The following PANX1 variants were observed in gnomAD, a reference collection of about 807,000 sequenced individuals.
PANX1 encodes the protein pannexin 1, also known as pannexin-1.
PANX1 carries 30 observed loss-of-function variants against 38.7 expected under a neutral mutation model. That is an observed-to-expected ratio of 0.78 (90% CI 0.58 to 1.05). PANX1 has a LOEUF of 1.05. PANX1 is among the 50% of genes least tolerant of loss of function. PANX1 has a pLI of 0.00. For missense variants in PANX1, 551 were observed against 517.2 expected, an observed-to-expected ratio of 1.07 and a Z score of -0.63; for synonymous variants, 230 against 212.2, an observed-to-expected ratio of 1.08 and a Z score of -0.73.
At chr11:94,152,119 A>G (rs200082118) in intron 1 of PANX1, among the ~76,000 whole-genome samples, 1 of 137,404 alleles carries the variant, frequency 7.3e-6, no homozygotes, top group African/African-American at 3.6e-5. Flanking sequence ...TCATTGCTCC[A>G]TAGGGTGGGA....
chr11:94,180,185 G>T lies in PANX1; in HGVS notation c.1129G>T (p.Val377Phe), dbSNP rs1321564091. ...AAACCTTGGCATGATCAAGATGGAT[G>T]TTGTTGATGGCAAAACTCCCATGTC... is the stretch of plus-strand genomic sequence containing the variant. Reference protein sequence around the residue: ...LTNLGMIKMDVVDGKTPMSAE... With the variant: ...LTNLGMIKMDFVDGKTPMSAE... The change falls in exon 4 of 5, where the codon GTT becomes TTT. Residue 377 changes from valine to phenylalanine, a missense_variant. By Grantham distance (50) the Val-to-Phe change is conservative (BLOSUM62 -1). Transcript: ENST00000227638. 13 of 1,613,822 alleles carry T rather than the reference G, an allele frequency of 8.1e-6. No individual in the cohort carries two copies. In the Admixed American group the frequency reaches 1.8e-4, roughly 23 times the overall value.
intron 1 of PANX1, among the ~76,000 whole-genome samples, chr11:94,130,144 C>T (rs1405985180): frequency 6.6e-6 from 1 of 152,192 alleles, no homozygotes; most frequent in East Asian, 1.9e-4. Context: ...TGGGCAGGAT[C>T]ACGTGGCTAC....
At chr11:94,175,407 C>T (rs931052267) in intron 2 of PANX1, among the ~76,000 whole-genome samples, 7 of 151,750 alleles carry the variant, frequency 4.6e-5, no homozygotes, top group African/African-American at 1.7e-4. Flanking sequence ...TTACAATGAG[C>T]TGTGCTGAAC....
intron 1 of PANX1, among the ~76,000 whole-genome samples, chr11:94,132,595 G>C (rs72968800): frequency 0.025 from 3,741 of 149,596 alleles, 149 homozygotes; most frequent in East Asian, 0.13. Flanking sequence ...TGTTTGTGTT[G>C]GGGGGGTGGT....
intron 2 of PANX1, among the ~76,000 whole-genome samples, chr11:94,162,464 C>G (rs944898900): frequency 1.3e-5 from 2 of 152,298 alleles, no homozygotes; most frequent in Admixed American, 1.3e-4. Context: ...AGTTTGATCT[C>G]GACTGCTGTG....
intron 2 of PANX1, among the ~76,000 whole-genome samples, chr11:94,176,830 C>G (rs1947237745): frequency 6.6e-6 from 1 of 151,784 alleles, no homozygotes; most frequent in Middle Eastern, 3.4e-3. Flanking sequence ...TAGTCTGACT[C>G]TCACTTACCA....
At position 94,175,058 on chromosome 11, in the gene PANX1, T is replaced by C. The variant is rs1367132635; in HGVS notation, c.322-3311T>C. ...ATAGTGCCATCATGGCTTCAAGAGA[T>C]GCTGAGCATCCCAGGCCTAATGTGG... On this transcript the variant is annotated intron_variant, in intron 2 of 4. Transcript: ENST00000227638. 2.6e-5 allele frequency among the ~76,000 whole-genome samples: 4 copies of C among 151,744 alleles called. No individual in the cohort carries two copies. The South Asian group carries it at 8.3e-4, about 31-fold the overall frequency.
rs1240014385 is a variant in PANX1 at position 94,129,378 on chromosome 11, G to T, written c.66G>T (p.Glu22Asp). ...ATTTCTTGCTGAAGGAGCCCACGGA[G>T]CCCAAGTTCAAGGGGCTGCGACTGG... ...FSDFLLKEPTEPKFKGLRLEL... is the reference protein window; with the variant it reads ...FSDFLLKEPTDPKFKGLRLEL... Residue 22 changes from glutamate (E) to aspartate (D), a missense_variant, in exon 1 of 5, where the codon GAG becomes GAT. Physicochemically the swap from Glu to Asp is conservative, Grantham distance 45 (BLOSUM62 2). Coordinates refer to ENST00000227638, the MANE Select transcript of PANX1 (RefSeq NM_015368.4). The T allele has an allele frequency of 6.2e-7, 1 of 1,614,000 alleles. No homozygotes were observed. The highest frequency in any genetic ancestry group is 2.2e-5 in the East Asian group (1 of 44,856).
intron 2 of PANX1, among the ~76,000 whole-genome samples, chr11:94,162,344 C>T (rs1222975671): frequency 1.3e-5 from 2 of 152,212 alleles, no homozygotes; most frequent in South Asian, 2.1e-4. Flanking sequence ...AGGCAGGCCT[C>T]CTTGAGCTGT....
Position 94,170,733 on chromosome 11 carries a change from T to C in PANX1, c.322-7636T>C, listed in dbSNP as rs568583692. On this transcript the variant is annotated intron_variant, in intron 2 of 4. Coordinates refer to ENST00000227638, the MANE Select transcript of PANX1 (RefSeq NM_015368.4). ...CAGCCAGATGGCAGGTGAGCCCACA[T>C]CCTTCTTCAGATTTCAGACATGTTT... Among the ~76,000 whole-genome samples the C allele has an allele frequency of 5.1e-4, 77 of 151,866 alleles. 1 individual carries two copies. The Middle Eastern group carries it at 0.014, about 27-fold the overall frequency.
rs1354419031 is a variant in PANX1 at position 94,129,050 on chromosome 11, C to T, written c.-263C>T. The T allele has an allele frequency of 1.7e-5, 6 of 343,152 alleles. No individual in the cohort carries two copies. Among genetic ancestry groups the T allele is most frequent in the Non-Finnish European group, 3.2e-5 (6 of 189,652 alleles). 21.3% of individuals were successfully genotyped at this position (343,152 alleles called of 1,614,324 possible). A position where few individuals can be genotyped will look rare whatever the true frequency, so the allele number is the denominator to read the frequency against. On this transcript the variant is annotated 5_prime_UTR_variant, in exon 1 of 5. Coordinates refer to ENST00000227638, the MANE Select transcript of PANX1 (RefSeq NM_015368.4). ...CGCGCGGCCCGGGGACTTGCACGGG[C>T]GTGCGGGGTGGAACCGCAGGAAGCG...
intron 2 of PANX1, among the ~76,000 whole-genome samples, chr11:94,167,447 C>T (rs1947115493): frequency 6.6e-6 from 1 of 152,148 alleles, no homozygotes; most frequent in Non-Finnish European, 1.5e-5. Flanking sequence ...TTTTGCTCTG[C>T]CTCCTCTTAT....
intron 1 of PANX1, among the ~76,000 whole-genome samples, chr11:94,147,339 T>G (rs1172894915): frequency 1.3e-5 from 2 of 152,206 alleles, no homozygotes; most frequent in East Asian, 3.8e-4. Flanking sequence ...AATATAACAT[T>G]GAGTTCTTCT....
At chr11:94,141,491 G>T (rs1044346118) in intron 1 of PANX1, among the ~76,000 whole-genome samples, 9 of 152,090 alleles carry the variant, frequency 5.9e-5, no homozygotes, top group African/African-American at 2.2e-4. Flanking sequence ...TGGGATGTTT[G>T]ATCCTAGAGA....
At chr11:94,172,179 C>T (rs1188707213) in intron 2 of PANX1, among the ~76,000 whole-genome samples, 3 of 151,556 alleles carry the variant, frequency 2.0e-5, no homozygotes, top group Non-Finnish European at 2.9e-5. Flanking sequence ...TTCAGGCTCC[C>T]GAGGCCATCT....
intron 1 of PANX1, among the ~76,000 whole-genome samples, chr11:94,146,163 C>T (rs1171849513): frequency 3.3e-5 from 5 of 152,078 alleles, no homozygotes; most frequent in Admixed American, 1.3e-4. Flanking sequence ...GGGAACATGT[C>T]GAAGGACACA....
intron 3 of PANX1, 109 bp downstream of exon 3, chr11:94,178,701 T>A: frequency 1.2e-6 from 1 of 805,302 alleles, no homozygotes; most frequent in Non-Finnish European, 2.0e-6. Context: ...GGGGCAGGAG[T>A]GGAAGCAGGG....
intron 1 of PANX1, among the ~76,000 whole-genome samples, chr11:94,135,187 G>A (rs889469292): frequency 2.6e-5 from 4 of 152,174 alleles, no homozygotes; most frequent in South Asian, 2.1e-4. Flanking sequence ...CTGGTCAGCC[G>A]GGGACCCTGC....
At chr11:94,143,285 G>C (rs928993958) in intron 1 of PANX1, among the ~76,000 whole-genome samples, 8 of 152,200 alleles carry the variant, frequency 5.3e-5, no homozygotes, top group African/African-American at 1.9e-4. Flanking sequence ...TAAGATCCCA[G>C]TTATCCAAGG....
Sources: allele counts gnomAD v4.1 joint callset (sites outside exome capture counted in the v4.1 genomes callset), GRCh38; gene constraint gnomAD v4.1.1; transcripts MANE v1.5; gene names NCBI Gene and HGNC (gene_info 2026-07-23, HGNC 2026-07-21).